Variants in PCCA observed in about 807,000 individuals in gnomAD.
PCCA encodes propionyl-CoA carboxylase alpha chain, mitochondrial.
In PCCA, 74 loss-of-function variants were observed where a neutral mutation model predicts 101.3. That is an observed-to-expected ratio of 0.73 (90% CI 0.61 to 0.89). The LOEUF (loss-of-function observed/expected upper bound fraction) is 0.89. Ranked by LOEUF, PCCA falls within the 40% of genes least tolerant of loss-of-function variation. PCCA has a pLI of 0.00. For synonymous variants in PCCA, 294 were observed against 313.6 expected, an observed-to-expected ratio of 0.94 and a Z score of 0.66; for missense variants, 891 against 907.0, an observed-to-expected ratio of 0.98 and a Z score of 0.23.
At chr13:100,100,596 G>A (rs2047185367) in intron 1 of PCCA, among the ~76,000 whole-genome samples, 1 of 152,208 alleles carries the variant, frequency 6.6e-6, no homozygotes, top group Non-Finnish European at 1.5e-5. Context: ...TTTATGTTGT[G>A]GCTTTACACA....
chr13:100,501,006 G>A (rs1051208710), intron 21 of PCCA, among the ~76,000 whole-genome samples: 2 of 152,246 alleles, frequency 1.3e-5, no homozygotes, highest in Middle Eastern at 3.4e-3. Flanking sequence ...GCCGGGTGTG[G>A]TGGTGGGTGC....
At chr13:100,301,427 A>G (rs775232758) in intron 12 of PCCA, 33 bp from the exon 13 acceptor site, 3 of 1,612,824 alleles carry the variant, frequency 1.9e-6, no homozygotes, top group East Asian at 2.2e-5. Flanking sequence ...ACCCTTTTCT[A>G]CACCTACTGA....
chr13:100,151,226 A>C, intron 4 of PCCA: 1 of 599,342 alleles, frequency 1.7e-6, no homozygotes, highest in South Asian at 2.2e-5. Context: ...AGTTATTTGG[A>C]AATTAGGCTC....
At chr13:100,443,655 T>C (rs542394295) in intron 20 of PCCA, among the ~76,000 whole-genome samples, 87 of 3,822 alleles carry the variant, frequency 0.023, no homozygotes, top group Admixed American at 0.091. Context: ...GTTATTGTGA[T>C]TTTTTTTTTT....
intron 4 of PCCA, among the ~76,000 whole-genome samples, chr13:100,153,899 A>G (rs2053616550): frequency 6.6e-6 from 1 of 152,216 alleles, no homozygotes; most frequent in Non-Finnish European, 1.5e-5. Flanking sequence ...AGTGGAAAAT[A>G]TTTATTGAAT....
chr13:100,512,608 C>G (rs2152996329), intron 21 of PCCA, among the ~76,000 whole-genome samples: 1 of 152,308 alleles, frequency 6.6e-6, no homozygotes, highest in East Asian at 1.9e-4. Flanking sequence ...CAGCCCAGCC[C>G]CACCCACAGG....
intron 6 of PCCA, among the ~76,000 whole-genome samples, chr13:100,163,485 T>G (rs1003774352): frequency 5.9e-5 from 9 of 152,218 alleles, no homozygotes; most frequent in Admixed American, 2.6e-4. Flanking sequence ...GTAGCCAGGA[T>G]GTAGTTGTGT....
intron 19 of PCCA, among the ~76,000 whole-genome samples, chr13:100,396,388 A>T (rs957084536): frequency 6.6e-6 from 1 of 152,242 alleles, no homozygotes; most frequent in African/African-American, 2.4e-5. Flanking sequence ...TAAAGGCTCT[A>T]GTACAGTGGC....
intron 21 of PCCA, among the ~76,000 whole-genome samples, chr13:100,478,630 A>G (rs2083622021): frequency 6.6e-6 from 1 of 152,170 alleles, no homozygotes; most frequent in Non-Finnish European, 1.5e-5. Flanking sequence ...TTGCCTGGTC[A>G]GGAGGGCTCG....
intron 2 of PCCA, among the ~76,000 whole-genome samples, chr13:100,108,864 A>G (rs1243566775): frequency 6.6e-6 from 1 of 152,214 alleles, no homozygotes; most frequent in Non-Finnish European, 1.5e-5. Flanking sequence ...TCTTCAGTGT[A>G]TCCCCTTTTG....
chr13:100,143,579 A>G lies in PCCA; in HGVS notation c.301-11400A>G, dbSNP rs902514745. 2.0e-5 allele frequency among the ~76,000 whole-genome samples: 3 copies of G among 151,792 alleles called. No individual in the cohort carries two copies. In the South Asian group the frequency reaches 6.2e-4, roughly 32 times the overall value. On this transcript the variant is annotated intron_variant, in intron 4 of 23. Transcript: ENST00000376285. ...AAAAAAAAAATAAAAATCTTTATTA[A>G]TTATTAGTCTTGGATGAATAGGAAG...
chr13:100,363,471 G>A (rs947995108), intron 18 of PCCA, among the ~76,000 whole-genome samples: 3 of 151,956 alleles, frequency 2.0e-5, no homozygotes, highest in African/African-American at 7.3e-5. Flanking sequence ...CTATGTGCTT[G>A]CATAACATAT....
chr13:100,376,663 A>G (rs1275419788), intron 19 of PCCA, among the ~76,000 whole-genome samples: 1 of 151,976 alleles, frequency 6.6e-6, no homozygotes, highest in African/African-American at 2.4e-5. Flanking sequence ...ATGGTGGATG[A>G]CCCTCCCTGC....
intron 6 of PCCA, among the ~76,000 whole-genome samples, chr13:100,190,512 G>C (rs779421035): frequency 9.2e-5 from 14 of 151,648 alleles, no homozygotes; most frequent in Non-Finnish European, 1.9e-4. Context: ...GTGAAACCCT[G>C]TCTCTACTAA....
chr13:100,435,007 G>A (rs2079824035), intron 20 of PCCA, among the ~76,000 whole-genome samples: 1 of 152,286 alleles, frequency 6.6e-6, no homozygotes, highest in South Asian at 2.1e-4. Flanking sequence ...AGATGTATGG[G>A]TACTTGGCGT....
chr13:100,407,008 C>T (rs2077723514), intron 19 of PCCA, among the ~76,000 whole-genome samples: 1 of 151,392 alleles, frequency 6.6e-6, no homozygotes, highest in Admixed American at 6.6e-5. Flanking sequence ...TAAAACAAGA[C>T]AACAATTGCT....
intron 10 of PCCA, among the ~76,000 whole-genome samples, chr13:100,265,338 A>G (rs2062853661): frequency 6.6e-6 from 1 of 152,046 alleles, no homozygotes; most frequent in Admixed American, 6.5e-5. Flanking sequence ...TAAAATTCTG[A>G]TATCCACTTT....
Position 100,482,792 on chromosome 13 carries a change from G to A in PCCA, c.1900-32635G>A, listed in dbSNP as rs143018413. Among the ~76,000 whole-genome samples, 1,428 of 152,232 alleles carry A rather than the reference G, an allele frequency of 9.4e-3. 22 individuals are homozygous for A. Among genetic ancestry groups the A allele is most frequent in the African/African-American group, 0.032 (1,310 of 41,556 alleles). The stretch of plus-strand genomic sequence containing the variant: ...TCCCAGCACTTTGGGAGGTCGGGGC[G>A]GGCGGATCATTTGAGGTCAGGAGTT... On this transcript the variant is annotated intron_variant, in intron 21 of 23. Transcript: ENST00000376285.
At chr13:100,409,548 G>T (rs1364327837) in intron 19 of PCCA, among the ~76,000 whole-genome samples, 1 of 152,182 alleles carries the variant, frequency 6.6e-6, no homozygotes, top group Non-Finnish European at 1.5e-5. Flanking sequence ...AAACGGTGCA[G>T]ATGGTGAGGA....
Sources: allele counts gnomAD v4.1 joint callset (sites outside exome capture counted in the v4.1 genomes callset), GRCh38; gene constraint gnomAD v4.1.1; transcripts MANE v1.5; gene names NCBI Gene and HGNC (gene_info 2026-07-23, HGNC 2026-07-21).